Variants in ZMYM2 observed in about 807,000 individuals in gnomAD.
ZMYM2 encodes zinc finger MYM-type protein 2.
A neutral mutation model predicts 162.8 loss-of-function variants in ZMYM2; 56 were observed. The ratio of observed to expected loss-of-function variants is 0.34; its 90% CI spans 0.28 to 0.43. The LOEUF is 0.43. ZMYM2 is among the 20% of genes least tolerant of loss of function. ZMYM2 has a pLI of 1.00. For synonymous variants in ZMYM2, 510 were observed against 541.6 expected (o/e 0.94, Z 0.81); for missense variants, 1,275 against 1,621.8 (o/e 0.79, Z 3.67).
chr13:19,869,423 G>A, the ZMYM2 span, among the ~76,000 whole-genome samples: 1 of 152,136 alleles, frequency 6.6e-6, no homozygotes, highest in Non-Finnish European at 1.5e-5. Flanking sequence ...TAAGAGAAGG[G>A]CATGTATGTA....
intron 3 of ZMYM2, among the ~76,000 whole-genome samples, chr13:19,998,435 A>G (rs1477415797): frequency 1.3e-5 from 2 of 152,228 alleles, no homozygotes; most frequent in East Asian, 3.9e-4. Flanking sequence ...AAGCCTACAA[A>G]ATAGAACACC....
intron 21 of ZMYM2, among the ~76,000 whole-genome samples, chr13:20,072,987 C>T (rs147002219): frequency 0.014 from 2,065 of 151,848 alleles, 40 homozygotes; most frequent in African/African-American, 0.046. Context: ...TGGCTCACTG[C>T]AACCTCTGCC....
chr13:20,081,327 C>T (rs1957892020), intron 21 of ZMYM2, among the ~76,000 whole-genome samples: 1 of 152,154 alleles, frequency 6.6e-6, no homozygotes, highest in African/African-American at 2.4e-5. Context: ...GCCTTCCATT[C>T]TTTGTGCTGT....
At chr13:19,990,240 A>C (rs1795867273) in intron 2 of ZMYM2, among the ~76,000 whole-genome samples, 1 of 152,228 alleles carries the variant, frequency 6.6e-6, no homozygotes, top group Non-Finnish European at 1.5e-5. Flanking sequence ...TCTTGTGCAT[A>C]CTAGGTGCTC....
chr13:20,033,785 G>T (rs906122456), intron 10 of ZMYM2, among the ~76,000 whole-genome samples: 2 of 152,166 alleles, frequency 1.3e-5, no homozygotes, highest in African/African-American at 4.8e-5. Context: ...CTGTGTGATG[G>T]CACCAAATTG....
At chr13:20,046,599 GTGTGTGTGTATATATA>G (rs1392376800) in intron 12 of ZMYM2, among the ~76,000 whole-genome samples, 17 of 27,034 alleles carry the variant, frequency 6.3e-4, no homozygotes, top group Non-Finnish European at 3.0e-3. Flanking sequence ...GTGTGTGTGT[GTGTGTGTGTATATATA>G]TGTGTATATA....
chr13:19,966,756 C>G (rs1955827662), intron 2 of ZMYM2, among the ~76,000 whole-genome samples: 1 of 152,042 alleles, frequency 6.6e-6, no homozygotes, highest in Non-Finnish European at 1.5e-5. Flanking sequence ...GTTTTTTTAC[C>G]TAAAGAAAAA....
intron 11 of ZMYM2, among the ~76,000 whole-genome samples, chr13:20,036,410 G>A (rs1953710493): frequency 6.6e-6 from 1 of 151,960 alleles, no homozygotes; most frequent in Admixed American, 6.6e-5. Context: ...CCTATTTGTG[G>A]TATGCTTAGT....
chr13:20,018,192 G>A (rs903498274), intron 6 of ZMYM2, among the ~76,000 whole-genome samples: 1 of 152,116 alleles, frequency 6.6e-6, no homozygotes, highest in African/African-American at 2.4e-5. Context: ...GACACCAAAT[G>A]ATTCTTCTTC....
At position 20,050,146 on chromosome 13, in the gene ZMYM2, A is replaced by C. The variant is rs540501812; in HGVS notation, c.2293-1287A>C. Among the ~76,000 whole-genome samples the C allele has an allele frequency of 2.0e-5, 3 of 152,050 alleles. No homozygotes were observed. The East Asian group carries it at 5.8e-4, about 29-fold the overall frequency. ...CACAAGTTTTTGGACAAGAGTTGTG[A>C]TATTGCATCACTTAGTAGTCATAAT... On this transcript the variant is annotated intron_variant, in intron 12 of 24. Coordinates refer to ENST00000610343, the MANE Select transcript of ZMYM2 (RefSeq NM_197968.4).
chr13:19,948,237 G>A, the ZMYM2 span, among the ~76,000 whole-genome samples: 31 of 152,104 alleles, frequency 2.0e-4, no homozygotes, highest in Admixed American at 9.2e-4. Context: ...CCAGTTTACC[G>A]CTCTCCTTGG....
At chr13:20,042,773 G>A (rs1320799222) in intron 12 of ZMYM2, among the ~76,000 whole-genome samples, 1 of 151,770 alleles carries the variant, frequency 6.6e-6, no homozygotes, top group African/African-American at 2.4e-5. Context: ...GCCCAGACTG[G>A]AGTGCCGTGG....
intron 3 of ZMYM2, among the ~76,000 whole-genome samples, chr13:19,994,542 T>A (rs1319268345): frequency 1.3e-5 from 2 of 152,100 alleles, no homozygotes; most frequent in Non-Finnish European, 2.9e-5. Flanking sequence ...CAGGCTGGAG[T>A]GCAGTGGCGC....
the ZMYM2 span, among the ~76,000 whole-genome samples, chr13:19,893,152 G>A: frequency 4.6e-5 from 7 of 151,402 alleles, no homozygotes; most frequent in African/African-American, 1.7e-4. Flanking sequence ...TTAAAATAGG[G>A]CTGCACATGG....
At chr13:19,900,279 A>G in the ZMYM2 span, among the ~76,000 whole-genome samples, 1 of 152,342 alleles carries the variant, frequency 6.6e-6, no homozygotes, top group East Asian at 1.9e-4. Flanking sequence ...AGCCTGAGTG[A>G]CAGAGCCAGT....
intron 21 of ZMYM2, among the ~76,000 whole-genome samples, chr13:20,081,806 C>A (rs960903553): frequency 8.6e-5 from 13 of 151,468 alleles, no homozygotes; most frequent in African/African-American, 3.2e-4. Flanking sequence ...GTGTGTATTT[C>A]AGCTTTGAGT....
At chr13:19,974,613 A>G (rs1956622452) in intron 2 of ZMYM2, among the ~76,000 whole-genome samples, 1 of 151,840 alleles carries the variant, frequency 6.6e-6, no homozygotes, top group African/African-American at 2.4e-5. Flanking sequence ...CTAGGATTAC[A>G]GGCACCCGCC....
chr13:19,965,246 C>T (rs1282636520), intron 2 of ZMYM2: 8 of 1,300,962 alleles, frequency 6.1e-6, no homozygotes, highest in Admixed American at 2.3e-5. Flanking sequence ...TACTCTCTGC[C>T]GTAGTCACCT....
intron 12 of ZMYM2, among the ~76,000 whole-genome samples, chr13:20,042,211 G>C (rs1199598507): frequency 6.6e-6 from 1 of 151,966 alleles, no homozygotes; most frequent in Non-Finnish European, 1.5e-5. Context: ...TTATAGATTT[G>C]GTCTCTTTAC....
Sources: gnomAD v4.1 joint callset for allele counts (sites outside exome capture counted in the v4.1 genomes callset) on GRCh38, gnomAD v4.1.1 for gene constraint, MANE v1.5 for transcripts, NCBI Gene and HGNC (gene_info 2026-07-23, HGNC 2026-07-21) for gene names.